LRMDA: variants seen among roughly 807,000 people sequenced by gnomAD.
LRMDA encodes leucine rich melanocyte differentiation associated, also known as leucine-rich melanocyte differentiation-associated protein.
A neutral mutation model predicts 29.8 loss-of-function variants in LRMDA; 18 were observed. The observed-to-expected ratio is 0.60, with a 90% CI of 0.42 to 0.90. The LOEUF is 0.90. Ranked by LOEUF, LRMDA falls within the 40% of genes least tolerant of loss-of-function variation. The probability of loss-of-function intolerance (pLI) is 0.00; values close to 1 mark genes in which losing one functional copy is unlikely to be tolerated. For synonymous variants in LRMDA, 125 were observed against 109.4 expected (o/e 1.14, Z -0.89); for missense variants, 273 against 273.9 (o/e 1.00, Z 0.02).
chr10:75,825,637 A>G (rs1001576036), intron 2 of LRMDA, among the ~76,000 whole-genome samples: 1 of 152,222 alleles, frequency 6.6e-6, no homozygotes, highest in Non-Finnish European at 1.5e-5. Flanking sequence ...TGAAGAAAAT[A>G]TCTATTGCAC....
chr10:76,392,862 C>G (rs4114991), intron 6 of LRMDA, among the ~76,000 whole-genome samples: 27,929 of 151,812 alleles, frequency 0.18, 5,746 homozygotes, highest in African/African-American at 0.51. Context: ...CCAGCAGTCC[C>G]CAGTAACCAC....
intron 2 of LRMDA, among the ~76,000 whole-genome samples, chr10:75,495,406 T>C (rs1419305002): frequency 6.6e-6 from 1 of 152,100 alleles, no homozygotes; most frequent in East Asian, 1.9e-4. Flanking sequence ...ATTAAGATGG[T>C]GGGCATGGAG....
chr10:76,200,714 C>CT (rs545738244), intron 5 of LRMDA, among the ~76,000 whole-genome samples: 2,024 of 142,676 alleles, frequency 0.014, 15 homozygotes, highest in Middle Eastern at 0.019. Flanking sequence ...TTTTCTTTTT[C>CT]TTTTTTTTTT....
chr10:76,425,078 A>C (rs1442898966), intron 6 of LRMDA, among the ~76,000 whole-genome samples: 1 of 152,168 alleles, frequency 6.6e-6, no homozygotes, highest in African/African-American at 2.4e-5. Flanking sequence ...GTGGAGATGC[A>C]ATGCAGTGAA....
chr10:75,766,382 A>G (rs1347668116), intron 2 of LRMDA, among the ~76,000 whole-genome samples: 2 of 152,122 alleles, frequency 1.3e-5, no homozygotes, highest in Admixed American at 6.5e-5. Context: ...TACATGCTCA[A>G]AAAGCATTAG....
At chr10:76,183,590 A>G (rs1289225711) in intron 5 of LRMDA, among the ~76,000 whole-genome samples, 1 of 152,240 alleles carries the variant, frequency 6.6e-6, no homozygotes, top group Non-Finnish European at 1.5e-5. Flanking sequence ...AGGGTGAGAC[A>G]GGCCAGATTT....
At chr10:76,422,328 G>A (rs1355633286) in intron 6 of LRMDA, among the ~76,000 whole-genome samples, 1 of 151,854 alleles carries the variant, frequency 6.6e-6, no homozygotes, top group Non-Finnish European at 1.5e-5. Context: ...AACTCACTGA[G>A]GCCCTGACGT....
rs1004208604 is a variant in LRMDA at position 76,393,899 on chromosome 10, T to C, written c.601+69414T>C. Among the ~76,000 whole-genome samples, 6 of 152,184 alleles carry C rather than the reference T, an allele frequency of 3.9e-5. No homozygotes were observed. The East Asian group carries it at 5.8e-4, about 15-fold the overall frequency. On this transcript the variant is annotated intron_variant, in intron 6 of 6. Transcript: ENST00000611255. ...TTGTGGATATTCAGTTTTCCCAACA[T>C]TGTTTATTGAGGAGACCGTCCTTTC...
chr10:75,520,400 T>G (rs1477498823), intron 2 of LRMDA, among the ~76,000 whole-genome samples: 1 of 152,240 alleles, frequency 6.6e-6, no homozygotes. Flanking sequence ...TTGTCTAAAC[T>G]TGTCCTCTTG....
rs985459801 is a variant in LRMDA at position 75,438,503 on chromosome 10, C to G, written c.131+9C>G. On this transcript the variant is annotated intron_variant, in intron 2 of 6. Transcript: ENST00000611255. ...AGCTTTAACCTTCTGAGGTATGTAA[C>G]CTTCACAAGATGTAGGCCAGGCCTG... 2 of 1,548,746 alleles carry G rather than the reference C, an allele frequency of 1.3e-6. No individual in the cohort carries two copies. Among genetic ancestry groups the G allele is most frequent in the African/African-American group, 2.7e-5 (2 of 73,010 alleles).
chr10:75,944,564 A>G (rs1846446670), intron 2 of LRMDA, among the ~76,000 whole-genome samples: 1 of 151,266 alleles, frequency 6.6e-6, no homozygotes, highest in Admixed American at 6.6e-5. Flanking sequence ...CATTTAAAAT[A>G]CTCTCATAGG....
At chr10:75,648,806 C>G (rs1228547455) in intron 2 of LRMDA, among the ~76,000 whole-genome samples, 1 of 152,116 alleles carries the variant, frequency 6.6e-6, no homozygotes, top group Non-Finnish European at 1.5e-5. Context: ...AGGGATGATA[C>G]CAGGACTCCC....
intron 2 of LRMDA, among the ~76,000 whole-genome samples, chr10:75,775,821 C>T (rs1589196431): frequency 6.6e-6 from 1 of 152,180 alleles, no homozygotes; most frequent in East Asian, 1.9e-4. Flanking sequence ...AGCTCCAAAA[C>T]CTCTAGAGAT....
At chr10:76,550,580 G>A (rs1195453088) in intron 6 of LRMDA, among the ~76,000 whole-genome samples, 2 of 146,810 alleles carry the variant, frequency 1.4e-5, no homozygotes, top group Non-Finnish European at 3.0e-5. Context: ...CACCCAATAT[G>A]CAGATGATAA....
At chr10:75,620,030 G>A (rs1841160766) in intron 2 of LRMDA, among the ~76,000 whole-genome samples, 1 of 152,156 alleles carries the variant, frequency 6.6e-6, no homozygotes, top group Non-Finnish European at 1.5e-5. Context: ...CATCTTGGGT[G>A]CAGAGTCTGC....
At chr10:76,519,721 C>A (rs564039260) in intron 6 of LRMDA, among the ~76,000 whole-genome samples, 1 of 152,198 alleles carries the variant, frequency 6.6e-6, no homozygotes, top group African/African-American at 2.4e-5. Context: ...TAGCAAAATG[C>A]CTCTTTAAAA....
chr10:76,472,665 A>T (rs1026039949), intron 6 of LRMDA, among the ~76,000 whole-genome samples: 2 of 151,550 alleles, frequency 1.3e-5, no homozygotes, highest in Admixed American at 1.3e-4. Flanking sequence ...GACCAAGAAG[A>T]CTCAAATGAT....
Position 75,715,099 on chromosome 10 carries a change from G to T in LRMDA, c.131+276605G>T, listed in dbSNP as rs772401076. Among the ~76,000 whole-genome samples, 83 of 152,252 alleles carry T rather than the reference G, an allele frequency of 5.5e-4. 2 individuals carry two copies. Among genetic ancestry groups the T allele is most frequent in the Non-Finnish European group, 3.2e-4 (22 of 68,022 alleles). On this transcript the variant is annotated intron_variant, in intron 2 of 6. Coordinates refer to ENST00000611255, the MANE Select transcript of LRMDA (RefSeq NM_001305581.2). ...GTTTCACAGAGGCTGGTCTCCAAGT[G>T]CAGGAGCCCGATTCCTCAGTGGTGC...
rs141199583 is a variant in LRMDA at position 75,735,695 on chromosome 10, G to T, written c.131+297201G>T. ...ATGTTTCAGATTGTTGAAATGAGTTGTTCCCACTCAAGCCTTGGGTTTGTG... is the reference window on the plus strand; with the variant it reads ...ATGTTTCAGATTGTTGAAATGAGTTTTTCCCACTCAAGCCTTGGGTTTGTG... On this transcript the variant is annotated intron_variant, in intron 2 of 6. Coordinates refer to ENST00000611255, the MANE Select transcript of LRMDA (RefSeq NM_001305581.2). Among the ~76,000 whole-genome samples, 214 of 152,188 alleles carry T rather than the reference G, an allele frequency of 1.4e-3. 2 individuals carry two copies. Among genetic ancestry groups the T allele is most frequent in the African/African-American group, 5.0e-3 (209 of 41,524 alleles).
Sources: gnomAD v4.1 joint callset for allele counts (sites outside exome capture counted in the v4.1 genomes callset) on GRCh38, gnomAD v4.1.1 for gene constraint, MANE v1.5 for transcripts, NCBI Gene and HGNC (gene_info 2026-07-23, HGNC 2026-07-21) for gene names.